Variants in ZFHX3 observed in about 807,000 individuals in gnomAD.
ZFHX3 encodes zinc finger homeobox protein 3.
Under a neutral mutation model 279.1 loss-of-function variants are expected in ZFHX3, and 42 were observed. The observed-to-expected ratio is 0.15, with a 90% CI of 0.12 to 0.19. The LOEUF (loss-of-function observed/expected upper bound fraction) is 0.19. Ranked by LOEUF, ZFHX3 falls within the 10% of genes least tolerant of loss-of-function variation. ZFHX3 has a pLI of 1.00. For synonymous variants in ZFHX3, 2,293 were observed against 1,957.8 expected, an observed-to-expected ratio of 1.17 and a Z score of -4.52; for missense variants, 4,981 against 4,754.0, an observed-to-expected ratio of 1.05 and a Z score of -1.40.
chr16:73,128,144 T>C (rs1414333899), intron 7 of ZFHX3, among the ~76,000 whole-genome samples: 2 of 152,210 alleles, frequency 1.3e-5, no homozygotes, highest in Non-Finnish European at 1.5e-5. Flanking sequence ...CCTTGTTTGT[T>C]ACCCAGCATA....
chr16:73,285,129 C>T (rs1377315437), intron 4 of ZFHX3, among the ~76,000 whole-genome samples: 1 of 152,178 alleles, frequency 6.6e-6, no homozygotes, highest in Non-Finnish European at 1.5e-5. Flanking sequence ...TGGGAGCTGG[C>T]CTCATTCTGT....
intron 5 of ZFHX3, among the ~76,000 whole-genome samples, chr16:73,214,224 C>T (rs1305486715): frequency 6.6e-6 from 1 of 152,132 alleles, no homozygotes; most frequent in Non-Finnish European, 1.5e-5. Context: ...GAGTCAAAGT[C>T]GGGATGAAAG....
At chr16:73,464,919 T>C (rs1035666788) in intron 2 of ZFHX3, among the ~76,000 whole-genome samples, 1 of 152,154 alleles carries the variant, frequency 6.6e-6, no homozygotes, top group African/African-American at 2.4e-5. Context: ...TTGGAAGGCC[T>C]GGACACATGG....
intron 4 of ZFHX3, among the ~76,000 whole-genome samples, chr16:72,853,124 G>C (rs1045727365): frequency 6.6e-6 from 1 of 152,216 alleles, no homozygotes; most frequent in Non-Finnish European, 1.5e-5. Context: ...ACCCTGGGTG[G>C]TCTAACAGGG....
intron 4 of ZFHX3, among the ~76,000 whole-genome samples, chr16:73,306,046 C>A (rs899668839): frequency 4.6e-5 from 7 of 152,320 alleles, no homozygotes; most frequent in African/African-American, 1.4e-4. Context: ...CTTACAAAAT[C>A]TCAGGTGACG....
chr16:73,325,900 CAA>C (rs1026957914), intron 3 of ZFHX3, among the ~76,000 whole-genome samples: 7 of 129,102 alleles, frequency 5.4e-5, no homozygotes, highest in African/African-American at 1.7e-4. Context: ...TACACACACA[CAA>C]ACACACACAC....
chr16:72,846,691 G>A (rs1343614047), intron 4 of ZFHX3, among the ~76,000 whole-genome samples: 1 of 152,216 alleles, frequency 6.6e-6, no homozygotes, highest in African/African-American at 2.4e-5. Context: ...CCCCGGCAGG[G>A]ATTTCCAGTA....
chr16:73,606,278 T>C (rs1299690557), intron 2 of ZFHX3, among the ~76,000 whole-genome samples: 1 of 135,770 alleles, frequency 7.4e-6, no homozygotes, highest in South Asian at 2.4e-4. Flanking sequence ...GAGGCCGAGG[T>C]GGGCAGGTCA....
chr16:73,265,334 C>G (rs530383921), intron 4 of ZFHX3, among the ~76,000 whole-genome samples: 116 of 152,166 alleles, frequency 7.6e-4, no homozygotes, highest in African/African-American at 2.7e-3. Context: ...ATGGGAGGAG[C>G]CATGCTGGTG....
chr16:73,031,067 CT>C (rs1269099373), intron 1 of ZFHX3, among the ~76,000 whole-genome samples: 1 of 152,196 alleles, frequency 6.6e-6, no homozygotes, highest in African/African-American at 2.4e-5. Context: ...AAAAAGATTT[CT>C]TTTTAGGTAA....
At chr16:73,060,142 A>G (rs1965661962), upstream of ZFHX3, 1 of 151,964 alleles carries the variant, frequency 6.6e-6, no homozygotes, top group Admixed American at 6.6e-5. Context: ...TGAATTCATA[A>G]GAGAGAAAGC....
At chr16:73,194,599 C>A (rs1003438136) in intron 5 of ZFHX3, among the ~76,000 whole-genome samples, 1 of 152,114 alleles carries the variant, frequency 6.6e-6, no homozygotes, top group African/African-American at 2.4e-5. Context: ...ATTATGGTTA[C>A]GTCAACTAGA....
In ZFHX3 at chr16:72,794,459, A is replaced by G; in HGVS notation, c.8223T>C (p.Ala2741=). Residue 2741 remains alanine, a synonymous_variant, in exon 9 of 10, where the codon GCT becomes GCC. Coordinates refer to ENST00000268489, the MANE Select transcript of ZFHX3 (RefSeq NM_006885.4). The surrounding 1 kb of genome is among the most constrained non-coding windows in gnomAD (Gnocchi z 4.2). ...RSRHWHEAKR[A]GYNLTLSAML... ...TCGCAGACAGAGTTAGGTTGTAGCCAGCTCTCTTGGCTTCATGCCAGTGAC... is the reference window on the plus strand; with the variant it reads ...TCGCAGACAGAGTTAGGTTGTAGCCGGCTCTCTTGGCTTCATGCCAGTGAC... The G allele has an allele frequency of 6.2e-7, 1 of 1,614,174 alleles. No individual in the cohort carries two copies. The highest frequency in any genetic ancestry group is 1.3e-5 in the African/African-American group (1 of 75,058).
chr16:73,201,742 G>T lies in ZFHX3; in HGVS notation c.-1104+55305C>A, dbSNP rs149641970. Among the ~76,000 whole-genome samples the T allele has an allele frequency of 1.8e-4, 28 of 152,246 alleles. No individual in the cohort carries two copies. The East Asian group carries it at 5.4e-3, about 29-fold the overall frequency. ...ATGAAGATGAAGATTCACTATTTTT[G>T]TTTCGTTTTGGTTCAGGTAATGCTG... is the stretch of plus-strand genomic sequence containing the variant. On this transcript the variant is annotated intron_variant, in intron 5 of 17. Transcript: ENST00000641206.
intron 3 of ZFHX3, among the ~76,000 whole-genome samples, chr16:73,429,380 T>A (rs1263351515): frequency 6.6e-6 from 1 of 152,186 alleles, no homozygotes; most frequent in Non-Finnish European, 1.5e-5. Flanking sequence ...TTGCCCAGGC[T>A]GGAGTGTAGT....
intron 1 of ZFHX3, among the ~76,000 whole-genome samples, chr16:73,871,946 A>C (rs943058412): frequency 1.3e-5 from 2 of 152,218 alleles, no homozygotes; most frequent in Non-Finnish European, 2.9e-5. Context: ...TATTTTGAAG[A>C]GTAATTGTAC....
intron 3 of ZFHX3, among the ~76,000 whole-genome samples, chr16:73,432,752 A>G (rs2143517931): frequency 6.6e-6 from 1 of 150,956 alleles, no homozygotes; most frequent in South Asian, 2.1e-4. Flanking sequence ...TGATCCTAAG[A>G]GCATCTTAGA....
intron 1 of ZFHX3, among the ~76,000 whole-genome samples, chr16:73,019,372 G>A (rs1479726862): frequency 3.9e-5 from 6 of 152,020 alleles, no homozygotes; most frequent in African/African-American, 7.3e-5. Flanking sequence ...GTGTGTGCGT[G>A]TGCGTGTGCG....
At chr16:73,307,158 T>C (rs1358037341) in intron 4 of ZFHX3, among the ~76,000 whole-genome samples, 2 of 152,220 alleles carry the variant, frequency 1.3e-5, no homozygotes, top group Non-Finnish European at 2.9e-5. Context: ...TTAAATACAG[T>C]AGCTGAGGAG....
Sources: gnomAD v4.1 joint callset for allele counts (sites outside exome capture counted in the v4.1 genomes callset) on GRCh38, gnomAD v4.1.1 for gene constraint, Gnocchi (gnomAD v3.1) non-coding constraint, MANE v1.5 for transcripts, NCBI Gene and HGNC (gene_info 2026-07-23, HGNC 2026-07-21) for gene names.